CSMD3: variants seen among roughly 807,000 people sequenced by gnomAD.
CSMD3 encodes CUB and sushi domain-containing protein 3.
In CSMD3, 177 loss-of-function variants were observed where a neutral mutation model predicts 435.2. The observed-to-expected ratio is 0.41, with a 90% CI of 0.36 to 0.46. CSMD3 has a LOEUF of 0.46. Ranked by LOEUF, CSMD3 falls within the 20% of genes least tolerant of loss-of-function variation. The pLI is 0.34. For missense variants in CSMD3, 4,265 were observed against 4,504.6 expected (o/e 0.95, Z 1.52); for synonymous variants, 1,656 against 1,520.5 (o/e 1.09, Z -2.07).
chr8:112,829,319 G>A (rs1421600470), intron 12 of CSMD3, among the ~76,000 whole-genome samples: 1 of 152,140 alleles, frequency 6.6e-6, no homozygotes, highest in Non-Finnish European at 1.5e-5. Flanking sequence ...ATGCATTTGT[G>A]ATGCAAAAAG....
chr8:112,284,838 A>T (rs1221292269), intron 58 of CSMD3, among the ~76,000 whole-genome samples: 1 of 151,962 alleles, frequency 6.6e-6, no homozygotes, highest in Non-Finnish European at 1.5e-5. Context: ...TTGCTCTCAA[A>T]ATATAACAAT....
chr8:112,622,848 C>T (rs1443643976), intron 22 of CSMD3, among the ~76,000 whole-genome samples: 1 of 152,034 alleles, frequency 6.6e-6, no homozygotes, highest in Non-Finnish European at 1.5e-5. Context: ...AGCATAGTGC[C>T]TAATCATCAT....
intron 24 of CSMD3, among the ~76,000 whole-genome samples, chr8:112,572,991 T>A (rs1829658386): frequency 6.6e-6 from 1 of 151,898 alleles, no homozygotes; most frequent in Non-Finnish European, 1.5e-5. Flanking sequence ...TTTAACATAA[T>A]GAGATAATAG....
chr8:112,929,878 T>G (rs2083050185), intron 9 of CSMD3, among the ~76,000 whole-genome samples: 1 of 152,098 alleles, frequency 6.6e-6, no homozygotes, highest in African/African-American at 2.4e-5. Flanking sequence ...CAGAAATGTT[T>G]TTAAGACATG....
In CSMD3 at chr8:112,631,369, G is replaced by A. The variant is rs143631045; in HGVS notation, c.3715+5448C>T. On this transcript the variant is annotated intron_variant, in intron 22 of 70. Transcript: ENST00000297405. ...GGCCTCAAAGCCCTAAATATTTACT[G>A]TGGAGCACTTTACAGAAAAAGTTTG... 1.7e-3 allele frequency among the ~76,000 whole-genome samples: 255 copies of A among 152,166 alleles called. 3 individuals carry two copies. Among genetic ancestry groups the A allele is most frequent in the African/African-American group, 5.9e-3 (245 of 41,526 alleles).
intron 13 of CSMD3, among the ~76,000 whole-genome samples, chr8:112,789,661 T>C (rs981884217): frequency 6.6e-6 from 1 of 152,030 alleles, no homozygotes; most frequent in African/African-American, 2.4e-5. Flanking sequence ...AGTTTTACTT[T>C]TCACTTAATT....
rs145041400 is a variant in CSMD3 at position 113,196,671 on chromosome 8, T to C, written c.515-22755A>G. Among the ~76,000 whole-genome samples, 787 of 151,180 alleles carry C rather than the reference T, an allele frequency of 5.2e-3. 5 individuals are homozygous for C. Among genetic ancestry groups the C allele is most frequent in the African/African-American group, 0.017 (697 of 41,408 alleles). ...GACGACAGAAGGAGACTTCTTCAAC[T>C]AGAGAAAAAAAAGTCTTGAACAAGT... is the stretch of plus-strand genomic sequence containing the variant. On this transcript the variant is annotated intron_variant, in intron 3 of 70. Coordinates refer to ENST00000297405, the MANE Select transcript of CSMD3 (RefSeq NM_198123.2).
chr8:112,298,604 A>C (rs1180005732), intron 53 of CSMD3, among the ~76,000 whole-genome samples: 1 of 152,148 alleles, frequency 6.6e-6, no homozygotes, highest in African/African-American at 2.4e-5. Flanking sequence ...CCTTGTAACA[A>C]GAATATGTAA....
At chr8:113,320,606 T>C (rs1279439717) in intron 1 of CSMD3, among the ~76,000 whole-genome samples, 1 of 152,116 alleles carries the variant, frequency 6.6e-6, no homozygotes, top group Non-Finnish European at 1.5e-5. Context: ...CTCATGACCT[T>C]TCCATTTTCA....
At chr8:112,378,737 T>A (rs1274394426) in intron 38 of CSMD3, among the ~76,000 whole-genome samples, 1 of 152,146 alleles carries the variant, frequency 6.6e-6, no homozygotes, top group East Asian at 1.9e-4. Context: ...TGATGTTTGA[T>A]AAGCAGGGTG....
At chr8:112,367,844 T>A (rs4876284) in intron 38 of CSMD3, among the ~76,000 whole-genome samples, 59,955 of 152,124 alleles carry the variant, frequency 0.39, 13,303 homozygotes, top group Middle Eastern at 0.54. Context: ...ATTTTAAATC[T>A]ATACCATTTG....
intron 3 of CSMD3, among the ~76,000 whole-genome samples, chr8:113,205,506 A>G (rs2092760810): frequency 1.3e-5 from 2 of 152,176 alleles, no homozygotes; most frequent in African/African-American, 4.8e-5. Context: ...CTAGGTGTGT[A>G]GTAGGCGATA....
intron 23 of CSMD3, among the ~76,000 whole-genome samples, chr8:112,581,000 C>A (rs1830298427): frequency 1.3e-5 from 2 of 152,032 alleles, no homozygotes; most frequent in Admixed American, 1.3e-4. Context: ...TCTTTTGCTA[C>A]ATTTCTTGCA....
At chr8:112,226,461 A>T (rs1812566361) in intron 70 of CSMD3, among the ~76,000 whole-genome samples, 1 of 152,212 alleles carries the variant, frequency 6.6e-6, no homozygotes, top group South Asian at 2.1e-4. Flanking sequence ...CACAAGAGCC[A>T]AATTCATAAA....
chr8:112,676,535 A>T (rs1228008251), intron 16 of CSMD3, among the ~76,000 whole-genome samples: 1 of 152,158 alleles, frequency 6.6e-6, no homozygotes, highest in African/African-American at 2.4e-5. Context: ...TAAAACAAAA[A>T]TGGTATGAAT....
At chr8:112,528,076 T>C (rs1184246741) in intron 27 of CSMD3, among the ~76,000 whole-genome samples, 1 of 152,184 alleles carries the variant, frequency 6.6e-6, no homozygotes, top group Non-Finnish European at 1.5e-5. Context: ...GATAACACTA[T>C]GGTCCTCATG....
rs140484234 is a variant in CSMD3 at position 113,114,911 on chromosome 8, G to A, written c.710-15948C>T. Among the ~76,000 whole-genome samples, 146 of 152,274 alleles carry A rather than the reference G, an allele frequency of 9.6e-4. 1 individual carries two copies. The highest frequency in any genetic ancestry group is 1.5e-4 in the Non-Finnish European group (10 of 68,010). Reference sequence around the variant, plus strand: ...AGTGGATTGGGAAATCAAGGAGAGCGTGAAGGTTAAAAATGAAAGTAGGCA... The same window carrying A: ...AGTGGATTGGGAAATCAAGGAGAGCATGAAGGTTAAAAATGAAAGTAGGCA... On this transcript the variant is annotated intron_variant, in intron 4 of 70. Transcript: ENST00000297405.
At chr8:112,618,934 T>C (rs1417228417) in intron 22 of CSMD3, among the ~76,000 whole-genome samples, 1 of 152,140 alleles carries the variant, frequency 6.6e-6, no homozygotes, top group Non-Finnish European at 1.5e-5. Context: ...TTAAAATTAT[T>C]CATATGAGTT....
chr8:112,469,964 GA>G (rs892421163), intron 32 of CSMD3, among the ~76,000 whole-genome samples: 1 of 152,156 alleles, frequency 6.6e-6, no homozygotes. Context: ...CGTGGCAACA[GA>G]AAAAAATTAT....
Sources: gnomAD v4.1 joint callset for allele counts (sites outside exome capture counted in the v4.1 genomes callset) on GRCh38, gnomAD v4.1.1 for gene constraint, MANE v1.5 for transcripts, NCBI Gene and HGNC (gene_info 2026-07-23, HGNC 2026-07-21) for gene names.